The following TENM3 variants were observed in gnomAD, a reference collection of about 807,000 sequenced individuals.
The protein encoded by TENM3 is teneurin transmembrane protein 3, also known as teneurin-3.
TENM3 carries 63 observed loss-of-function variants against 255.1 expected under a neutral mutation model. That is an observed-to-expected ratio of 0.25 (90% CI 0.20 to 0.30). TENM3 has a LOEUF of 0.30. TENM3 is among the 10% of genes least tolerant of loss of function. The pLI is 1.00. For missense variants in TENM3, 2,929 were observed against 3,461.1 expected, an observed-to-expected ratio of 0.85 and a Z score of 3.86; for synonymous variants, 1,306 against 1,322.3, an observed-to-expected ratio of 0.99 and a Z score of 0.27.
chr4:182,247,125 T>A (rs964928460), intron 1 of TENM3, among the ~76,000 whole-genome samples: 9 of 152,258 alleles, frequency 5.9e-5, no homozygotes, highest in African/African-American at 2.2e-4. Flanking sequence ...TAGAATCTAA[T>A]GAGCAAAGAG....
intron 19 of TENM3, among the ~76,000 whole-genome samples, chr4:182,745,357 T>C (rs897731362): frequency 1.3e-5 from 2 of 152,204 alleles, no homozygotes; most frequent in African/African-American, 4.8e-5. Flanking sequence ...GAAACCACAA[T>C]AGAATTTCAA....
rs369437275 is a variant in TENM3, at chr4:182,601,060, G to C, written c.648G>C (p.Pro216=). ...NSLTNRRNQS[P]APPAALPAEL... is the part of the protein sequence containing the mutation. ...TGACCAATAGAAGGAACCAGAGTCC[G>C]GCCCCGCCGGCTGCTTTGCCCGCCG... Residue 216 remains proline, a synonymous_variant, in exon 4 of 28, where the codon CCG becomes CCC. Transcript: ENST00000511685. 3.5e-5 allele frequency: 57 copies of C among 1,613,596 alleles called. 1 individual carries two copies. The Middle Eastern group carries it at 4.9e-4, about 14-fold the overall frequency.
the TENM3 span, among the ~76,000 whole-genome samples, chr4:182,137,708 A>C: frequency 2.0e-5 from 3 of 152,188 alleles, no homozygotes; most frequent in African/African-American, 7.2e-5. Flanking sequence ...AGATTGCTTA[A>C]AACTTTTCTT....
At chr4:181,541,203 C>A in the TENM3 span, among the ~76,000 whole-genome samples, 3 of 151,750 alleles carry the variant, frequency 2.0e-5, no homozygotes, top group Non-Finnish European at 2.9e-5. Context: ...ATGAGATTCT[C>A]TCTCTACAAA....
At chr4:182,246,118 A>C (rs1400209061) in intron 1 of TENM3, among the ~76,000 whole-genome samples, 2 of 152,164 alleles carry the variant, frequency 1.3e-5, no homozygotes. Flanking sequence ...CCTTCTGGCT[A>C]TGTGTTTTCC....
At chr4:182,623,926 A>G (rs1750552413) in intron 4 of TENM3, among the ~76,000 whole-genome samples, 1 of 152,188 alleles carries the variant, frequency 6.6e-6, no homozygotes, top group Non-Finnish European at 1.5e-5. Flanking sequence ...AATTATGCTC[A>G]GGCACAGGAA....
intron 3 of TENM3, among the ~76,000 whole-genome samples, chr4:182,350,493 G>C (rs1024879565): frequency 6.6e-6 from 1 of 152,184 alleles, no homozygotes; most frequent in African/African-American, 2.4e-5. Flanking sequence ...TGGTGTTTTT[G>C]TAGTGGACTG....
chr4:182,380,479 G>A (rs1467601606), intron 3 of TENM3, among the ~76,000 whole-genome samples: 9 of 152,134 alleles, frequency 5.9e-5, no homozygotes, highest in East Asian at 1.9e-4. Context: ...CTGGCATTGC[G>A]TAAGCATGCA....
the TENM3 span, among the ~76,000 whole-genome samples, chr4:181,677,011 T>C: frequency 6.6e-6 from 1 of 150,576 alleles, no homozygotes; most frequent in African/African-American, 2.4e-5. Context: ...TTTTTCTCAT[T>C]GACTATTCCT....
At chr4:181,860,202 C>T in the TENM3 span, among the ~76,000 whole-genome samples, 1 of 152,186 alleles carries the variant, frequency 6.6e-6, no homozygotes, top group African/African-American at 2.4e-5. Flanking sequence ...CGGTTAATGT[C>T]GCCTTAAGCG....
At chr4:182,626,092 A>G (rs1415031591) in intron 4 of TENM3, among the ~76,000 whole-genome samples, 1 of 152,224 alleles carries the variant, frequency 6.6e-6, no homozygotes, top group African/African-American at 2.4e-5. Flanking sequence ...ACATGTATGC[A>G]TTGTCTATGG....
rs1372537545 is a variant in TENM3, at chr4:182,801,040, TTACTG to T, written c.*693_*697del. 1 of 152,660 alleles carries T rather than the reference TTACTG, an allele frequency of 6.6e-6. No homozygotes were observed. Among genetic ancestry groups the T allele is most frequent in the Non-Finnish European group, 1.5e-5 (1 of 68,040 alleles). 9.5% of individuals were successfully genotyped at this position (152,660 alleles called of 1,614,324 possible). A position where few individuals can be genotyped will look rare whatever the true frequency, so the allele number is the denominator to read the frequency against. On this transcript the variant is annotated 3_prime_UTR_variant, in exon 28 of 28. Coordinates refer to ENST00000511685, the MANE Select transcript of TENM3 (RefSeq NM_001080477.4). ...TATGGATTTTTATATGAATTACAATTTACTGTACATCAAATCTTAGTCTCAGAGGA... is the reference window on the plus strand; with the variant it reads ...TATGGATTTTTATATGAATTACAATTTACATCAAATCTTAGTCTCAGAGGA...
At chr4:181,882,767 G>A in the TENM3 span, among the ~76,000 whole-genome samples, 1 of 152,182 alleles carries the variant, frequency 6.6e-6, no homozygotes, top group South Asian at 2.1e-4. Flanking sequence ...CACTCATCTA[G>A]TCCAACACTT....
the TENM3 span, among the ~76,000 whole-genome samples, chr4:181,655,071 G>A: frequency 2.0e-5 from 3 of 152,208 alleles, no homozygotes; most frequent in Admixed American, 6.5e-5. Flanking sequence ...TTCATTTTGG[G>A]AGGAAGCCCT....
chr4:181,611,500 AT>A, the TENM3 span, among the ~76,000 whole-genome samples: 1 of 151,964 alleles, frequency 6.6e-6, no homozygotes, highest in Non-Finnish European at 1.5e-5. Context: ...ATTTTAAGGC[AT>A]ATTTTTTAGT....
At chr4:181,641,552 G>GTATATATATATA in the TENM3 span, among the ~76,000 whole-genome samples, 101 of 21,598 alleles carry the variant, frequency 4.7e-3, 7 homozygotes, top group South Asian at 6.3e-3. Context: ...CATGGTGTGT[G>GTATATATATATA]TGTATATATA....
intron 3 of TENM3, among the ~76,000 whole-genome samples, chr4:182,582,881 G>T (rs775561771): frequency 6.6e-6 from 1 of 152,146 alleles, no homozygotes; most frequent in African/African-American, 2.4e-5. Context: ...AATGAGAATC[G>T]CAGCGATTTG....
chr4:182,784,623 C>T (rs1765473030), intron 24 of TENM3, among the ~76,000 whole-genome samples: 1 of 151,810 alleles, frequency 6.6e-6, no homozygotes, highest in African/African-American at 2.4e-5. Flanking sequence ...CTAAGCAAGC[C>T]TGGGCAATGG....
chr4:181,941,311 GTT>G, the TENM3 span, among the ~76,000 whole-genome samples: 1 of 119,628 alleles, frequency 8.4e-6, no homozygotes, highest in Non-Finnish European at 2.0e-5. Flanking sequence ...TTTGTTTGAT[GTT>G]TTTTTTTTTT....
Sources: allele counts gnomAD v4.1 joint callset (sites outside exome capture counted in the v4.1 genomes callset), GRCh38; gene constraint gnomAD v4.1.1; transcripts MANE v1.5; gene names NCBI Gene and HGNC (gene_info 2026-07-23, HGNC 2026-07-21).